Variants in ZNF766 observed in about 807,000 individuals in gnomAD.
ZNF766 encodes zinc finger protein 766.
Under a neutral mutation model 13.2 loss-of-function variants are expected in ZNF766, and 13 were observed. The ratio of observed to expected loss-of-function variants is 0.98; its 90% CI spans 0.64 to 1.56. The LOEUF (loss-of-function observed/expected upper bound fraction) is 1.56. ZNF766 is among the 40% of genes most tolerant of loss of function. The probability of loss-of-function intolerance (pLI) is 0.00; values close to 1 mark genes in which losing one functional copy is unlikely to be tolerated. For synonymous variants in ZNF766, 178 were observed against 187.6 expected (o/e 0.95, Z 0.42); for missense variants, 521 against 552.2 (o/e 0.94, Z 0.57).
At position 52,290,231 on chromosome 19, in the gene ZNF766, C is replaced by T. The variant is rs375042302; in HGVS notation, c.440C>T (p.Ser147Leu). The T allele has an allele frequency of 1.2e-4, 191 of 1,613,936 alleles. No homozygotes were observed. The highest frequency in any genetic ancestry group is 1.0e-3 in the East Asian group (45 of 44,882). Reference sequence around the variant, plus strand: ...TTCATCAGCCACAGTTCTTCAGTTTCGCCACTTCAAAGAATTTACTCTGGG... The same window carrying T: ...TTCATCAGCCACAGTTCTTCAGTTTTGCCACTTCAAAGAATTTACTCTGGG... ...QKFISHSSSV[S>L]PLQRIYSGVK... The change falls in exon 4 of 4, where the codon TCG becomes TTG. Residue 147 changes from serine to leucine, a missense_variant. By Grantham distance (145) the Ser-to-Leu change is moderately radical. Transcript: ENST00000439461.
Position 52,291,970 on chromosome 19 carries a change from G to C in ZNF766, c.*772G>C. On this transcript the variant is annotated 3_prime_UTR_variant, in exon 4 of 4. Transcript: ENST00000439461. ...GTCTGTAGTTCCAGCTACTCAAGAG[G>C]CCGAGGCAAGAGGATTGCTCAAGCC... is the stretch of plus-strand genomic sequence containing the variant. 1 of 559,476 alleles carries C rather than the reference G, an allele frequency of 1.8e-6. No individual in the cohort carries two copies. Among genetic ancestry groups the C allele is most frequent in the African/African-American group, 1.9e-5 (1 of 52,724 alleles). The allele number at this position is 559,476 out of a possible 1,614,324, so 34.7% of individuals were successfully genotyped here.
At position 52,290,331 on chromosome 19, in the gene ZNF766, A is replaced by G; in HGVS notation, c.540A>G (p.Ala180=). The G allele has an allele frequency of 1.2e-6, 2 of 1,614,110 alleles. No individual in the cohort carries two copies. Among genetic ancestry groups the G allele is most frequent in the Non-Finnish European group, 1.7e-6 (2 of 1,179,996 alleles). ...CATTGCTGTCACAAGAACAGAAAGC[A>G]CACATTAGGAGAAAACCTTACGAAT... ...DFPLLSQEQK[A]HIRRKPYECN... is the part of the protein sequence containing the mutation. Residue 180 remains alanine, a synonymous_variant, in exon 4 of 4, where the codon GCA becomes GCG. Transcript: ENST00000439461.
chr19:52,277,542 G>C, intron 1 of ZNF766: 1 of 1,571,272 alleles, frequency 6.4e-7, no homozygotes, highest in Non-Finnish European at 8.6e-7. Flanking sequence ...ACTTACTCAG[G>C]TAAAGTGATA....
chr19:52,291,150 G>T lies in ZNF766; in HGVS notation c.1359G>T (p.Trp453Cys). ...VCGKVFRHSS[W>C]FVQHQRSVHE... is the part of the protein sequence containing the mutation. Reference sequence around the variant, plus strand: ...GTAAGGTCTTTAGGCACAGTTCATGGTTTGTACAGCATCAGAGAAGTGTTC... The same window carrying T: ...GTAAGGTCTTTAGGCACAGTTCATGTTTTGTACAGCATCAGAGAAGTGTTC... The change falls in exon 4 of 4, where the codon TGG (tryptophan) becomes TGT (cysteine). Residue 453 changes from tryptophan (W) to cysteine (C), a missense_variant. Physicochemically the swap from Trp to Cys is radical, Grantham distance 215. Coordinates refer to ENST00000439461, the MANE Select transcript of ZNF766 (RefSeq NM_001010851.3). 1 of 1,608,396 alleles carries T rather than the reference G, an allele frequency of 6.2e-7. No individual in the cohort carries two copies. The highest frequency in any genetic ancestry group is 1.3e-5 in the African/African-American group (1 of 74,896).
chr19:52,293,947 A>G lies in ZNF766; in HGVS notation c.*2749A>G, dbSNP rs1982255758. On this transcript the variant is annotated 3_prime_UTR_variant, in exon 4 of 4. Coordinates refer to ENST00000439461, the MANE Select transcript of ZNF766 (RefSeq NM_001010851.3). ...GCCTACCTCTCTACTCTGCCCTAAGATGCTTTTGTGGGTAAAGTGAAAATC... is the reference window on the plus strand; with the variant it reads ...GCCTACCTCTCTACTCTGCCCTAAGGTGCTTTTGTGGGTAAAGTGAAAATC... 6.6e-6 allele frequency: 1 copy of G among 152,170 alleles called. No homozygotes were observed. Among genetic ancestry groups the G allele is most frequent in the African/African-American group, 2.4e-5 (1 of 41,426 alleles). 9.4% of individuals were successfully genotyped at this position (152,170 alleles called of 1,614,324 possible).
chr19:52,283,525 A>C, intron 3 of ZNF766, 112 bp downstream of exon 3: 1 of 1,338,310 alleles, frequency 7.5e-7, no homozygotes, highest in Non-Finnish European at 9.8e-7. Context: ...GCAGCTTTGA[A>C]CTCCTGGGCT....
At position 52,291,584 on chromosome 19, in the gene ZNF766, C is replaced by A. The variant is rs1264283187; in HGVS notation, c.*386C>A. On this transcript the variant is annotated 3_prime_UTR_variant, in exon 4 of 4. Transcript: ENST00000439461. ...CCAGCCTGGCCAATATGGTGAAACA[C>A]CATATCTACTATAAATACAAAAAAA... 3 of 173,612 alleles carry A rather than the reference C, an allele frequency of 1.7e-5. No individual in the cohort carries two copies. The highest frequency in any genetic ancestry group is 1.2e-5 in the Non-Finnish European group (1 of 81,256). The allele number at this position is 173,612 out of a possible 1,614,324, so 10.8% of individuals were successfully genotyped here.
chr19:52,286,726 A>T (rs1981848228), intron 3 of ZNF766, among the ~76,000 whole-genome samples: 1 of 152,192 alleles, frequency 6.6e-6, no homozygotes, highest in Non-Finnish European at 1.5e-5. Flanking sequence ...TCCTGAAATA[A>T]ATCTTACTTG....
intron 1 of ZNF766, among the ~76,000 whole-genome samples, chr19:52,269,876 C>A (rs1422447232): frequency 1.3e-5 from 2 of 152,190 alleles, no homozygotes; most frequent in South Asian, 2.1e-4. Context: ...CCTTCAGTGA[C>A]CCCTCCGCCA....
intron 3 of ZNF766, among the ~76,000 whole-genome samples, chr19:52,286,720 G>A (rs1013491582): frequency 3.3e-5 from 5 of 152,152 alleles, no homozygotes; most frequent in Non-Finnish European, 7.4e-5. Context: ...TTGCATTCCT[G>A]AAATAAATCT....
chr19:52,277,626 C>T, intron 1 of ZNF766: 2 of 1,395,758 alleles, frequency 1.4e-6, no homozygotes, highest in Admixed American at 4.0e-5. Context: ...TTCTCTGAGT[C>T]TGAAGCATCC....
At position 52,291,179 on chromosome 19, in the gene ZNF766, AG is replaced by A; in HGVS notation, c.1389del (p.Arg464GlufsTer15). 1 of 1,575,270 alleles carries A rather than the reference AG, an allele frequency of 6.3e-7. No individual in the cohort carries two copies. The highest frequency in any genetic ancestry group is 8.6e-7 in the Non-Finnish European group (1 of 1,161,064). ...WFVQHQRSVH[E>X]RVLTN Reference sequence around the variant, plus strand: ...GTACAGCATCAGAGAAGTGTTCATGAGAGAGTCCTTACAAACTGAGTTTGGC... The same window carrying A: ...GTACAGCATCAGAGAAGTGTTCATGAAGAGTCCTTACAAACTGAGTTTGGC... On this transcript the variant is annotated frameshift_variant, in exon 4 of 4. Transcript: ENST00000439461. LOFTEE classifies it high-confidence loss of function.
Position 52,293,528 on chromosome 19 carries a change from C to T in ZNF766, c.*2330C>T, listed in dbSNP as rs2122497511. The T allele has an allele frequency of 6.6e-6, 1 of 152,302 alleles. No individual in the cohort carries two copies. Among genetic ancestry groups the T allele is most frequent in the Admixed American group, 6.5e-5 (1 of 15,290 alleles). The allele number at this position is 152,302 out of a possible 1,614,324, so 9.4% of individuals were successfully genotyped here. On this transcript the variant is annotated 3_prime_UTR_variant, in exon 4 of 4. Coordinates refer to ENST00000439461, the MANE Select transcript of ZNF766 (RefSeq NM_001010851.3). Reference sequence around the variant, plus strand: ...CAATTTTGTGTGTGAAATGAAATGACATGCACTTTTGGGTATATACACTTG... The same window carrying T: ...CAATTTTGTGTGTGAAATGAAATGATATGCACTTTTGGGTATATACACTTG...
intron 1 of ZNF766, among the ~76,000 whole-genome samples, chr19:52,272,078 C>G (rs183544183): frequency 1.2e-4 from 18 of 152,028 alleles, no homozygotes; most frequent in African/African-American, 4.1e-4. Flanking sequence ...ACATCTCTCC[C>G]TGTAGTGAGT....
intron 1 of ZNF766, among the ~76,000 whole-genome samples, chr19:52,280,868 A>G (rs1391806478): frequency 2.0e-5 from 3 of 149,924 alleles, no homozygotes; most frequent in African/African-American, 7.3e-5. Context: ...GTGTGAGCCA[A>G]CACTTTTGGC....
rs927709431 is a variant in ZNF766 at position 52,292,196 on chromosome 19, CTTCA to C, written c.*1001_*1004del. 4.3e-6 allele frequency: 3 copies of C among 702,782 alleles called. No homozygotes were observed. The highest frequency in any genetic ancestry group is 7.8e-6 in the Non-Finnish European group (3 of 384,896). The allele number at this position is 702,782 out of a possible 1,614,324, so 43.5% of individuals were successfully genotyped here. A position where few individuals can be genotyped will look rare whatever the true frequency, so the allele number is the denominator to read the frequency against. On this transcript the variant is annotated 3_prime_UTR_variant, in exon 4 of 4. Coordinates refer to ENST00000439461, the MANE Select transcript of ZNF766 (RefSeq NM_001010851.3). ...AGAATCAGTAAGATGACAGGGCTGA[CTTCA>C]TTAGATGAGGAGCGTTTCTATCCAG... is the stretch of plus-strand genomic sequence containing the variant.
intron 3 of ZNF766, among the ~76,000 whole-genome samples, chr19:52,288,449 A>G (rs1307356345): frequency 6.6e-6 from 1 of 152,176 alleles, no homozygotes; most frequent in Non-Finnish European, 1.5e-5. Flanking sequence ...CAGCAGCATG[A>G]TCATAGATCC....
chr19:52,277,157 T>C, intron 1 of ZNF766: 2 of 1,093,586 alleles, frequency 1.8e-6, no homozygotes, highest in Non-Finnish European at 2.2e-6. Context: ...CATTCAGGAT[T>C]GACTTCTAAA....
chr19:52,280,477 T>C (rs1014688416), intron 1 of ZNF766, among the ~76,000 whole-genome samples: 9 of 152,230 alleles, frequency 5.9e-5, no homozygotes, highest in Non-Finnish European at 2.9e-5. Flanking sequence ...AAACTAAGTG[T>C]GTGTAAGTGT....
Sources: allele counts gnomAD v4.1 joint callset (sites outside exome capture counted in the v4.1 genomes callset), GRCh38; gene constraint gnomAD v4.1.1; transcripts MANE v1.5; gene names NCBI Gene and HGNC (gene_info 2026-07-23, HGNC 2026-07-21).